The following GMDS variants were observed in gnomAD, a reference collection of about 807,000 sequenced individuals.
The protein encoded by GMDS is GDP-mannose 4,6 dehydratase.
A neutral mutation model predicts 49.9 loss-of-function variants in GMDS; 20 were observed. The ratio of observed to expected loss-of-function variants is 0.40; its 90% CI spans 0.28 to 0.58. The LOEUF is 0.58. Ranked by LOEUF, GMDS falls within the 20% of genes least tolerant of loss-of-function variation. The probability of loss-of-function intolerance (pLI) is 0.42; values close to 1 mark genes in which losing one functional copy is unlikely to be tolerated. For missense variants in GMDS, 362 were observed against 481.4 expected (o/e 0.75, Z 2.32); for synonymous variants, 177 against 178.6 (o/e 0.99, Z 0.07).
chr6:2,108,363 T>C (rs1480281360), intron 4 of GMDS, among the ~76,000 whole-genome samples: 1 of 152,024 alleles, frequency 6.6e-6, no homozygotes, highest in African/African-American at 2.4e-5. Context: ...GGTGTAGATA[T>C]TCAAAATTTT....
intron 9 of GMDS, among the ~76,000 whole-genome samples, chr6:1,686,361 G>A (rs116219935): frequency 0.017 from 2,657 of 152,326 alleles, 77 homozygotes; most frequent in African/African-American, 0.061. Flanking sequence ...GCAAGTGCAT[G>A]GCTACATAAT....
chr6:1,738,192 CAT>C (rs1453764318), intron 8 of GMDS, among the ~76,000 whole-genome samples: 1 of 150,402 alleles, frequency 6.6e-6, no homozygotes, highest in Non-Finnish European at 1.5e-5. Context: ...CATATACACA[CAT>C]ACACACACAC....
intron 9 of GMDS, among the ~76,000 whole-genome samples, chr6:1,703,162 C>T (rs1294536038): frequency 3.3e-5 from 5 of 152,170 alleles, no homozygotes; most frequent in Non-Finnish European, 5.9e-5. Flanking sequence ...GGAGTTCCTG[C>T]ATGCTGGCTA....
At chr6:1,731,500 C>T (rs1410966951) in intron 8 of GMDS, among the ~76,000 whole-genome samples, 2 of 152,180 alleles carry the variant, frequency 1.3e-5, no homozygotes. Context: ...GTCAGAATGG[C>T]TCTTGGTTTC....
chr6:2,142,483 T>A lies in GMDS; in HGVS notation c.103-17752A>T, dbSNP rs539854546. On this transcript the variant is annotated intron_variant, in intron 1 of 10. Transcript: ENST00000380815. Reference sequence around the variant, plus strand: ...ACCCAGCAAGAATGTCACAGGATGATGAAGTGGAATGGTGTTTCTACAAGC... The same window carrying A: ...ACCCAGCAAGAATGTCACAGGATGAAGAAGTGGAATGGTGTTTCTACAAGC... Among the ~76,000 whole-genome samples, 8 of 152,046 alleles carry A rather than the reference T, an allele frequency of 5.3e-5. No homozygotes were observed. In the South Asian group the frequency reaches 1.7e-3, roughly 32 times the overall value.
chr6:1,898,084 G>A (rs975196356), intron 7 of GMDS, among the ~76,000 whole-genome samples: 23 of 130,946 alleles, frequency 1.8e-4, no homozygotes, highest in Non-Finnish European at 3.0e-4. Context: ...GGCCTCCCTT[G>A]CCATCCTGGA....
intron 4 of GMDS, among the ~76,000 whole-genome samples, chr6:2,022,627 A>C (rs577499977): frequency 1.3e-3 from 199 of 152,318 alleles, no homozygotes; most frequent in Non-Finnish European, 2.2e-3. Flanking sequence ...ACTTAGCTGC[A>C]CAAGATTTGT....
chr6:1,736,219 C>T (rs764910612), intron 8 of GMDS, among the ~76,000 whole-genome samples: 2 of 152,188 alleles, frequency 1.3e-5, no homozygotes, highest in Non-Finnish European at 2.9e-5. Context: ...GGCACTACAA[C>T]ATCACCTTAT....
intron 6 of GMDS, among the ~76,000 whole-genome samples, chr6:1,948,479 T>A (rs949700621): frequency 1.3e-5 from 2 of 152,104 alleles, no homozygotes; most frequent in Non-Finnish European, 2.9e-5. Flanking sequence ...AAAAAATACA[T>A]GTATCACTTA....
At chr6:2,078,730 C>G (rs771846900) in intron 4 of GMDS, among the ~76,000 whole-genome samples, 4 of 151,984 alleles carry the variant, frequency 2.6e-5, no homozygotes, top group Non-Finnish European at 4.4e-5. Context: ...ACTTTATATT[C>G]TGTAGTTTTT....
chr6:2,119,799 A>C (rs1376819214), intron 2 of GMDS, among the ~76,000 whole-genome samples: 1 of 152,246 alleles, frequency 6.6e-6, no homozygotes, highest in African/African-American at 2.4e-5. Flanking sequence ...TAATTCTGAA[A>C]CACTGAGGTC....
chr6:1,847,871 G>A (rs1040077462), intron 7 of GMDS, among the ~76,000 whole-genome samples: 2 of 152,106 alleles, frequency 1.3e-5, no homozygotes, highest in African/African-American at 2.4e-5. Context: ...AAATAGACTT[G>A]GTGAGGGTGT....
intron 7 of GMDS, among the ~76,000 whole-genome samples, chr6:1,856,250 G>C (rs1270461947): frequency 6.6e-6 from 1 of 152,168 alleles, no homozygotes; most frequent in African/African-American, 2.4e-5. Flanking sequence ...GGTGAATAAA[G>C]TTGCTGAAAA....
chr6:1,848,378 A>G (rs185129597), intron 7 of GMDS, among the ~76,000 whole-genome samples: 1 of 152,102 alleles, frequency 6.6e-6, no homozygotes, highest in African/African-American at 2.4e-5. Context: ...CAACTTCTCC[A>G]CAAAATCTCT....
At chr6:1,851,572 C>T (rs998919375) in intron 7 of GMDS, among the ~76,000 whole-genome samples, 26 of 151,982 alleles carry the variant, frequency 1.7e-4, no homozygotes, top group Admixed American at 1.4e-3. Context: ...GACAGCAGAA[C>T]GAGGCATTTA....
intron 4 of GMDS, among the ~76,000 whole-genome samples, chr6:2,024,059 T>C (rs1006366636): frequency 6.6e-6 from 1 of 150,888 alleles, no homozygotes; most frequent in East Asian, 1.9e-4. Context: ...TTTCTAATAA[T>C]CAAAAAAAGA....
At chr6:2,139,505 C>T (rs1776178628) in intron 1 of GMDS, among the ~76,000 whole-genome samples, 2 of 152,174 alleles carry the variant, frequency 1.3e-5, no homozygotes, top group Non-Finnish European at 2.9e-5. Context: ...ACACATGTGG[C>T]TTATAGCTAT....
chr6:1,766,238 A>G lies in GMDS; in HGVS notation c.772-23652T>C, dbSNP rs1289116245. ...CACAGAAGCAAGGAGAAGTTAGCTA[A>G]TTTAAGCTGATGTGCATTGAGTCAC... is the stretch of plus-strand genomic sequence containing the variant. On this transcript the variant is annotated intron_variant, in intron 7 of 10. Transcript: ENST00000380815. This position sits in a 1 kb window ranked among gnomAD's most constrained non-coding sequence, Gnocchi z 4.5. Among the ~76,000 whole-genome samples, 2 of 152,182 alleles carry G rather than the reference A, an allele frequency of 1.3e-5. No individual in the cohort carries two copies. Among genetic ancestry groups the G allele is most frequent in the Non-Finnish European group, 2.9e-5 (2 of 68,036 alleles).
At chr6:2,026,674 G>A (rs147338937) in intron 4 of GMDS, among the ~76,000 whole-genome samples, 1 of 152,264 alleles carries the variant, frequency 6.6e-6, no homozygotes, top group African/African-American at 2.4e-5. Context: ...AAACTTCCTG[G>A]GAATTCCTCC....
Sources: gnomAD v4.1 joint callset for allele counts (sites outside exome capture counted in the v4.1 genomes callset) on GRCh38, gnomAD v4.1.1 for gene constraint, Gnocchi (gnomAD v3.1) non-coding constraint, MANE v1.5 for transcripts, NCBI Gene and HGNC (gene_info 2026-07-23, HGNC 2026-07-21) for gene names.